The following CCDC93 variants were observed in gnomAD, a reference collection of about 807,000 sequenced individuals.
CCDC93 encodes the protein CCC complex scaffolding subunit CCDC93.
In CCDC93, 61 loss-of-function variants were observed where a neutral mutation model predicts 108.2. The ratio of observed to expected loss-of-function variants is 0.56; its 90% CI spans 0.46 to 0.70. The LOEUF (loss-of-function observed/expected upper bound fraction) is 0.70. CCDC93 is among the 30% of genes least tolerant of loss of function. The probability of loss-of-function intolerance (pLI) is 0.00; values close to 1 mark genes in which losing one functional copy is unlikely to be tolerated. For missense variants in CCDC93, 685 were observed against 764.2 expected (o/e 0.90, Z 1.22); for synonymous variants, 276 against 260.4 (o/e 1.06, Z -0.58).
intron 11 of CCDC93, among the ~76,000 whole-genome samples, chr2:117,961,018 G>C (rs1422364200): frequency 1.3e-5 from 2 of 151,888 alleles, no homozygotes; most frequent in African/African-American, 4.8e-5. Context: ...TCTTTAACTG[G>C]GTCCTGAAAG....
rs1460744470 is a variant in CCDC93 at position 118,000,875 on chromosome 2, C to G, written c.309G>C (p.Leu103=). Residue 103 remains leucine (L), a synonymous_variant, in exon 4 of 24, where the codon CTG becomes CTC. Coordinates refer to ENST00000376300, the MANE Select transcript of CCDC93 (RefSeq NM_019044.5). ...CCATCCCCTGGATCTGGTGGGGCTC[C>G]AGCTGGTGTGGGCATTTCATCCTTG... ...VLPRMKCPHQ[L]EPHQIQGMDF... The G allele has an allele frequency of 6.2e-7, 1 of 1,613,802 alleles. No individual in the cohort carries two copies.
intron 15 of CCDC93, among the ~76,000 whole-genome samples, chr2:117,947,568 A>T (rs539181796): frequency 6.6e-6 from 1 of 152,248 alleles, no homozygotes; most frequent in Non-Finnish European, 1.5e-5. Context: ...CAAAAACTTC[A>T]TAAGACTTTT....
chr2:117,995,580 T>A, intron 5 of CCDC93, 78 bp from the exon 6 acceptor site: 1 of 1,091,552 alleles, frequency 9.2e-7, no homozygotes, highest in East Asian at 2.4e-5. Flanking sequence ...ATATGTCTTA[T>A]AAATTGACTT....
rs77756235 is a variant in CCDC93 at position 117,916,947 on chromosome 2, T to A, written c.*3396A>T. ...GGGACAGATGATGGCATCCATCCTA[T>A]GGGGCTCTTTATTGTACTGTTCTGC... On this transcript the variant is annotated 3_prime_UTR_variant, in exon 24 of 24. Coordinates refer to ENST00000376300, the MANE Select transcript of CCDC93 (RefSeq NM_019044.5). 84 of 152,332 alleles carry A rather than the reference T, an allele frequency of 5.5e-4. 1 individual carries two copies. The highest frequency in any genetic ancestry group is 1.9e-3 in the African/African-American group (79 of 41,566). 9.4% of individuals were successfully genotyped at this position (152,332 alleles called of 1,614,324 possible).
chr2:117,983,811 G>A (rs1313181469), intron 7 of CCDC93, among the ~76,000 whole-genome samples: 6 of 152,148 alleles, frequency 3.9e-5, no homozygotes, highest in African/African-American at 7.2e-5. Context: ...CACACTTGTT[G>A]GGGCTGTACA....
At chr2:117,928,296 A>G (rs1678194132) in intron 23 of CCDC93, among the ~76,000 whole-genome samples, 1 of 152,230 alleles carries the variant, frequency 6.6e-6, no homozygotes, top group African/African-American at 2.4e-5. Flanking sequence ...CTGCACAGCA[A>G]AATAAACTAC....
chr2:117,983,480 C>A (rs1232781368), intron 7 of CCDC93, among the ~76,000 whole-genome samples: 4 of 151,976 alleles, frequency 2.6e-5, no homozygotes, highest in African/African-American at 9.7e-5. Context: ...CACACAAGGA[C>A]AAGGAGAACT....
At position 117,931,054 on chromosome 2, in the gene CCDC93, C is replaced by T; in HGVS notation, c.1825G>A (p.Val609Met). The T allele has an allele frequency of 6.2e-7, 1 of 1,609,992 alleles. No homozygotes were observed. The highest frequency in any genetic ancestry group is 2.2e-5 in the East Asian group (1 of 44,842). ...CCTCTTACCTCCTTGAACTCTTTCA[C>T]AGTCTTAAAGTATAGCCTCTGCTTT... ...LEKQRLYFKTVKEFKEEGRKN... is the reference protein window; with the variant it reads ...LEKQRLYFKTMKEFKEEGRKN... Residue 609 changes from valine (V) to methionine (M), a missense_variant, in exon 23 of 24, where the codon GTG (valine) becomes ATG (methionine). Transcript: ENST00000376300.
chr2:117,965,697 A>T (rs766787827), intron 11 of CCDC93, among the ~76,000 whole-genome samples: 25 of 152,174 alleles, frequency 1.6e-4, no homozygotes, highest in Non-Finnish European at 3.1e-4. Flanking sequence ...TCACAGGTTG[A>T]CTGACTCCTT....
intron 11 of CCDC93, among the ~76,000 whole-genome samples, chr2:117,963,197 A>C (rs560789607): frequency 1.3e-5 from 2 of 152,252 alleles, no homozygotes; most frequent in Non-Finnish European, 2.9e-5. Flanking sequence ...AACAAAAGCC[A>C]GTGAAAACAG....
chr2:117,950,204 T>TA (rs746034140), intron 13 of CCDC93: 134 of 985,210 alleles, frequency 1.4e-4, no homozygotes, highest in Admixed American at 2.5e-4. Context: ...ATTTTAAAAT[T>TA]AAAGATGAAC....
intron 11 of CCDC93, among the ~76,000 whole-genome samples, chr2:117,971,386 T>C (rs1436936488): frequency 1.3e-5 from 2 of 150,578 alleles, no homozygotes; most frequent in East Asian, 1.9e-4. Context: ...CAGCCACCCA[T>C]ACACACAAAC....
intron 11 of CCDC93, among the ~76,000 whole-genome samples, chr2:117,962,032 T>C (rs1166819031): frequency 6.6e-6 from 1 of 152,220 alleles, no homozygotes; most frequent in East Asian, 1.9e-4. Flanking sequence ...CTGACAGATA[T>C]TCACAACTTC....
intron 23 of CCDC93, among the ~76,000 whole-genome samples, chr2:117,926,513 A>G (rs1159885948): frequency 6.6e-6 from 1 of 152,226 alleles, no homozygotes; most frequent in Non-Finnish European, 1.5e-5. Context: ...AAACTAGAAA[A>G]TCTAGAAGAA....
intron 17 of CCDC93, chr2:117,944,877 C>T: frequency 2.2e-6 from 1 of 462,586 alleles, no homozygotes; most frequent in Non-Finnish European, 4.5e-6. Flanking sequence ...TTTTCCTTTC[C>T]TCCACTTCCT....
intron 12 of CCDC93, among the ~76,000 whole-genome samples, chr2:117,957,412 A>G (rs541831080): frequency 3.3e-5 from 5 of 152,258 alleles, no homozygotes; most frequent in African/African-American, 1.2e-4. Context: ...AGCTCTTTTA[A>G]AAATGATCAA....
intron 7 of CCDC93, among the ~76,000 whole-genome samples, chr2:117,984,117 T>C (rs1242330778): frequency 6.6e-6 from 1 of 151,984 alleles, no homozygotes. Flanking sequence ...AAATATACTA[T>C]CAGAATGTCC....
At chr2:117,926,586 G>A (rs2104704755) in intron 23 of CCDC93, among the ~76,000 whole-genome samples, 1 of 152,280 alleles carries the variant, frequency 6.6e-6, no homozygotes, top group African/African-American at 2.4e-5. Context: ...TTGAATTTCT[G>A]AATATACCAA....
At position 117,917,154 on chromosome 2, in the gene CCDC93, A is replaced by C. The variant is rs1407192965; in HGVS notation, c.*3189T>G. The C allele has an allele frequency of 6.6e-6, 1 of 152,512 alleles. No homozygotes were observed. The highest frequency in any genetic ancestry group is 1.5e-5 in the Non-Finnish European group (1 of 68,048). 9.4% of individuals were successfully genotyped at this position (152,512 alleles called of 1,614,324 possible). ...CCTTTTAGGGTGATCAGTCACCTACAGAGTGGGCAAACAAGACCATATGAG... is the reference window on the plus strand; with the variant it reads ...CCTTTTAGGGTGATCAGTCACCTACCGAGTGGGCAAACAAGACCATATGAG... On this transcript the variant is annotated 3_prime_UTR_variant, in exon 24 of 24. Transcript: ENST00000376300.
Sources: gnomAD v4.1 joint callset for allele counts (sites outside exome capture counted in the v4.1 genomes callset) on GRCh38, gnomAD v4.1.1 for gene constraint, MANE v1.5 for transcripts, NCBI Gene and HGNC (gene_info 2026-07-23, HGNC 2026-07-21) for gene names.